The following MINDY3 variants were observed in gnomAD, a reference collection of about 807,000 sequenced individuals.
MINDY3 encodes the protein MINDY lysine 48 deubiquitinase 3.
In MINDY3, 38 loss-of-function variants were observed where a neutral mutation model predicts 69.2. The ratio of observed to expected loss-of-function variants is 0.55; its 90% confidence interval spans 0.42 to 0.72. The LOEUF (loss-of-function observed/expected upper bound fraction) is 0.72, where lower values mean the gene tolerates loss of function less well. MINDY3 is among the 30% of genes least tolerant of loss of function. MINDY3 has a pLI of 0.00. For synonymous variants in MINDY3, 192 were observed against 180.1 expected (o/e 1.07, Z -0.53); for missense variants, 522 against 519.0 (o/e 1.01, Z -0.06).
chr10:15,801,893 A>G (rs1460428773), intron 10 of MINDY3, among the ~76,000 whole-genome samples: 1 of 151,994 alleles, frequency 6.6e-6, no homozygotes, highest in African/African-American at 2.4e-5. Flanking sequence ...GCTAACAGAT[A>G]CCACATCAGA....
Position 15,819,455 on chromosome 10 carries a change from A to G in MINDY3, c.801+2201T>C, listed in dbSNP as rs1213134481. Among the ~76,000 whole-genome samples, 3 of 152,286 alleles carry G rather than the reference A, an allele frequency of 2.0e-5. No individual in the cohort carries two copies. The East Asian group carries it at 5.8e-4, about 29-fold the overall frequency. On this transcript the variant is annotated intron_variant, in intron 9 of 14. Coordinates refer to ENST00000277632, the MANE Select transcript of MINDY3 (RefSeq NM_024948.4). ...AGTTCTTATTCCAGCCACTACCATT[A>G]TAGGTCTCCCACACTCCAGGGATCA...
intron 14 of MINDY3, among the ~76,000 whole-genome samples, chr10:15,781,526 G>A (rs565666381): frequency 6.6e-6 from 1 of 152,096 alleles, no homozygotes; most frequent in Admixed American, 6.5e-5. Flanking sequence ...GCCAGGTTGA[G>A]TACACCTGGC....
chr10:15,840,871 C>T (rs1014789808), intron 4 of MINDY3, among the ~76,000 whole-genome samples: 4 of 151,336 alleles, frequency 2.6e-5, no homozygotes, highest in South Asian at 2.1e-4. Context: ...TATTATTTAA[C>T]GTAAACAGCT....
chr10:15,850,869 C>G (rs796197332), intron 1 of MINDY3, among the ~76,000 whole-genome samples: 5 of 152,128 alleles, frequency 3.3e-5, no homozygotes, highest in Non-Finnish European at 7.4e-5. Context: ...TGTCTCCCCC[C>G]GACACCCAGC....
intron 13 of MINDY3, among the ~76,000 whole-genome samples, chr10:15,784,724 G>A (rs141504808): frequency 8.7e-4 from 132 of 152,234 alleles, no homozygotes; most frequent in African/African-American, 3.0e-3. Flanking sequence ...GTAAAGGAGC[G>A]AAACTCCATC....
intron 1 of MINDY3, 28 bp downstream of exon 1, chr10:15,860,178 T>C: frequency 6.5e-7 from 1 of 1,546,168 alleles, no homozygotes; most frequent in South Asian, 1.2e-5. Context: ...AAGCAGCGGC[T>C]GCAAGTGTGA....
At chr10:15,813,500 T>G (rs1427468649) in intron 10 of MINDY3, among the ~76,000 whole-genome samples, 1 of 152,222 alleles carries the variant, frequency 6.6e-6, no homozygotes, top group Non-Finnish European at 1.5e-5. Context: ...TTGTCAGCAC[T>G]CATCACACTT....
intron 13 of MINDY3, among the ~76,000 whole-genome samples, chr10:15,783,518 T>C (rs1836713665): frequency 6.6e-6 from 1 of 152,174 alleles, no homozygotes; most frequent in South Asian, 2.1e-4. Context: ...CTGGTTTAAA[T>C]CTTACTTTTT....
chr10:15,835,797 C>A (rs1325806996), intron 6 of MINDY3, among the ~76,000 whole-genome samples: 2 of 152,024 alleles, frequency 1.3e-5, no homozygotes, highest in African/African-American at 4.8e-5. Context: ...TTTAATATTC[C>A]AAATAGGTAT....
intron 12 of MINDY3, among the ~76,000 whole-genome samples, chr10:15,787,065 T>C (rs970126394): frequency 6.6e-6 from 1 of 152,184 alleles, no homozygotes; most frequent in Non-Finnish European, 1.5e-5. Context: ...CAAAAGGCAG[T>C]GGTACATCAG....
chr10:15,847,101 T>TA (rs911766545), intron 2 of MINDY3, among the ~76,000 whole-genome samples: 5 of 152,208 alleles, frequency 3.3e-5, no homozygotes, highest in African/African-American at 1.2e-4. Flanking sequence ...GGTTAAAACA[T>TA]AAACAATAAA....
At chr10:15,789,092 T>C (rs1304776941) in intron 12 of MINDY3, 155 bp downstream of exon 12, 4 of 479,748 alleles carry the variant, frequency 8.3e-6, no homozygotes, top group African/African-American at 1.9e-5. Flanking sequence ...GCTATAATAT[T>C]GGATTAGTTC....
At chr10:15,832,141 A>G (rs895594808) in intron 8 of MINDY3, among the ~76,000 whole-genome samples, 1 of 152,182 alleles carries the variant, frequency 6.6e-6, no homozygotes, top group Non-Finnish European at 1.5e-5. Context: ...GAACGCGTAG[A>G]AAGATGAACC....
In MINDY3 at chr10:15,860,192, C is replaced by T. The variant is rs950214734; in HGVS notation, c.94+14G>A. 1.3e-6 allele frequency: 2 copies of T among 1,589,988 alleles called. No homozygotes were observed. Among genetic ancestry groups the T allele is most frequent in the African/African-American group, 2.7e-5 (2 of 74,624 alleles). On this transcript the variant is annotated intron_variant, in intron 1 of 14. Coordinates refer to ENST00000277632, the MANE Select transcript of MINDY3 (RefSeq NM_024948.4). ...GAAGCAGCGGCTGCAAGTGTGAGAG[C>T]CCCGCCAGGGTACCTTGCGTCCAGC...
In MINDY3 at chr10:15,837,069, A is replaced by G. The variant is rs929667933; in HGVS notation, c.576+135T>C. 9 of 566,800 alleles carry G rather than the reference A, an allele frequency of 1.6e-5. No individual in the cohort carries two copies. In the South Asian group the frequency reaches 2.3e-4, roughly 15 times the overall value. The allele number at this position is 566,800 out of a possible 1,614,324, so 35.1% of individuals were successfully genotyped here. On this transcript the variant is annotated intron_variant, in intron 6 of 14. Coordinates refer to ENST00000277632, the MANE Select transcript of MINDY3 (RefSeq NM_024948.4). Reference sequence around the variant, plus strand: ...GTGAGTGCTGAGGAAACAGAAATTAACTCATTTTCAACGTAAAAGATTTTT... The same window carrying G: ...GTGAGTGCTGAGGAAACAGAAATTAGCTCATTTTCAACGTAAAAGATTTTT...
chr10:15,841,289 G>GTAATTAA, intron 4 of MINDY3, 137 bp downstream of exon 4: 1 of 654,542 alleles, frequency 1.5e-6, no homozygotes, highest in South Asian at 2.3e-5. Flanking sequence ...AAAATAGTGA[G>GTAATTAA]GCTCAGTAAT....
rs758937846 is a variant in MINDY3 at position 15,841,476 on chromosome 10, G to C, written c.359C>G (p.Ala120Gly). The C allele has an allele frequency of 6.2e-7, 1 of 1,611,730 alleles. No homozygotes were observed. Residue 120 changes from alanine (A) to glycine (G), a missense_variant, in exon 4 of 15, where the codon GCT becomes GGT. Physicochemically the swap from Ala to Gly is moderately conservative, Grantham distance 60. Coordinates refer to ENST00000277632, the MANE Select transcript of MINDY3 (RefSeq NM_024948.4). ...CTCTGCAGGACTCCCAGAAATACTA[G>C]CAGTTTCCTCAGTTGTCTTTCCTCT... ...WLRGKTTEET[A>G]SISGSPAESS...
At chr10:15,821,225 T>C (rs1839735130) in intron 9 of MINDY3, among the ~76,000 whole-genome samples, 1 of 152,192 alleles carries the variant, frequency 6.6e-6, no homozygotes, top group African/African-American at 2.4e-5. Flanking sequence ...TCAGATGGAA[T>C]AGATAAAAGT....
At chr10:15,831,298 T>C (rs1171643371) in intron 8 of MINDY3, among the ~76,000 whole-genome samples, 1 of 152,186 alleles carries the variant, frequency 6.6e-6, no homozygotes, top group East Asian at 1.9e-4. Flanking sequence ...ATAATCAGCC[T>C]GGCAGTGGGA....
Sources: gnomAD v4.1 joint callset for allele counts (sites outside exome capture counted in the v4.1 genomes callset) on GRCh38, gnomAD v4.1.1 for gene constraint, MANE v1.5 for transcripts, NCBI Gene and HGNC (gene_info 2026-07-23, HGNC 2026-07-21) for gene names.